Variants in PRDM16 observed in about 807,000 individuals in gnomAD.
PRDM16 encodes PR/SET domain 16, also known as histone-lysine N-methyltransferase PRDM16.
A neutral mutation model predicts 110.6 loss-of-function variants in PRDM16; 23 were observed. The observed-to-expected ratio is 0.21, with a 90% CI of 0.15 to 0.29. The LOEUF is 0.29. Ranked by LOEUF, PRDM16 falls within the 10% of genes least tolerant of loss-of-function variation. The pLI is 1.00. For missense variants in PRDM16, 1,615 were observed against 1,794.3 expected, an observed-to-expected ratio of 0.90 and a Z score of 1.81; for synonymous variants, 799 against 781.8, an observed-to-expected ratio of 1.02 and a Z score of -0.37.
At chr1:3,272,091 G>T (rs896173430) in intron 3 of PRDM16, among the ~76,000 whole-genome samples, 1 of 152,158 alleles carries the variant, frequency 6.6e-6, no homozygotes, top group East Asian at 1.9e-4. Flanking sequence ...GCTTGCAGAC[G>T]CTTCCAGAGG....
intron 3 of PRDM16, among the ~76,000 whole-genome samples, chr1:3,344,346 A>G (rs1052680567): frequency 6.6e-6 from 1 of 151,992 alleles, no homozygotes; most frequent in African/African-American, 2.4e-5. Context: ...GGGACTTGTT[A>G]TTTCATGCAG....
chr1:3,248,699 A>G (rs1157950386), intron 3 of PRDM16, among the ~76,000 whole-genome samples: 3 of 152,256 alleles, frequency 2.0e-5, no homozygotes, highest in Non-Finnish European at 4.4e-5. Context: ...GCTACAGGTC[A>G]TAAAAGTCGT....
chr1:3,078,325 G>A (rs956421096), intron 1 of PRDM16, among the ~76,000 whole-genome samples: 8 of 152,204 alleles, frequency 5.3e-5, no homozygotes, highest in Non-Finnish European at 1.0e-4. Context: ...GCTGCCTCCC[G>A]CTGTGGCGAG....
At position 3,436,153 on chromosome 1, in the gene PRDM16, TA is replaced by T. The variant is rs1638904281; in HGVS notation, c.*2345del. On this transcript the variant is annotated 3_prime_UTR_variant, in exon 17 of 17. Coordinates refer to ENST00000270722, the MANE Select transcript of PRDM16 (RefSeq NM_022114.4). ...CTCAGACATAAACACCCCATTTCTG[TA>T]AACCCAAATTATATGGTTTCTTCTG... is the stretch of plus-strand genomic sequence containing the variant. 2 of 230,464 alleles carry T rather than the reference TA, an allele frequency of 8.7e-6. No homozygotes were observed. Among genetic ancestry groups the T allele is most frequent in the Admixed American group, 5.7e-5 (1 of 17,666 alleles). 14.3% of individuals were successfully genotyped at this position (230,464 alleles called of 1,614,324 possible).
chr1:3,234,897 G>A (rs1040493863), intron 2 of PRDM16, among the ~76,000 whole-genome samples: 4 of 152,258 alleles, frequency 2.6e-5, no homozygotes, highest in Admixed American at 6.5e-5. Flanking sequence ...GGGCCTGCCT[G>A]TAATAACTGG....
intron 2 of PRDM16, among the ~76,000 whole-genome samples, chr1:3,187,493 G>T (rs1343764462): frequency 6.6e-6 from 1 of 152,216 alleles, no homozygotes; most frequent in Non-Finnish European, 1.5e-5. Flanking sequence ...CTCTGGAGAA[G>T]TCCCCAGCCA....
chr1:3,125,445 T>G (rs563542899), intron 1 of PRDM16, among the ~76,000 whole-genome samples: 1 of 152,324 alleles, frequency 6.6e-6, no homozygotes, highest in Admixed American at 6.5e-5. Context: ...CCAGGGCACA[T>G]GGGGAAACTG....
At chr1:3,305,211 A>G (rs1227028050) in intron 3 of PRDM16, among the ~76,000 whole-genome samples, 1 of 152,200 alleles carries the variant, frequency 6.6e-6, no homozygotes, top group Non-Finnish European at 1.5e-5. Context: ...AAGATTTACA[A>G]AGGACCTGTC....
chr1:3,339,076 C>T lies in PRDM16; in HGVS notation c.439-46076C>T, dbSNP rs747052328. Among the ~76,000 whole-genome samples the T allele has an allele frequency of 2.0e-5, 3 of 152,128 alleles. No individual in the cohort carries two copies. The highest frequency in any genetic ancestry group is 4.4e-5 in the Non-Finnish European group (3 of 68,022). On this transcript the variant is annotated intron_variant, in intron 3 of 16. Transcript: ENST00000270722. This position sits in a 1 kb window ranked among gnomAD's most constrained non-coding sequence, Gnocchi z 5.0. ...GGGAGAGTTGCAGCTTCAAGGCGAT[C>T]GATGGGGAGCTTCCGTGCACTCCCC...
intron 1 of PRDM16, among the ~76,000 whole-genome samples, chr1:3,183,936 C>A (rs1644239064): frequency 6.6e-6 from 1 of 152,160 alleles, no homozygotes; most frequent in Non-Finnish European, 1.5e-5. Flanking sequence ...TCCAACCCGA[C>A]TTTGTTTGCG....
intron 3 of PRDM16, among the ~76,000 whole-genome samples, chr1:3,271,733 G>T (rs7523639): frequency 0.057 from 8,726 of 152,194 alleles, 840 homozygotes; most frequent in African/African-American, 0.2. Context: ...AAAAGCTCCT[G>T]CCTCAGAGGC....
At chr1:3,257,280 A>G (rs2100238792) in intron 3 of PRDM16, among the ~76,000 whole-genome samples, 1 of 152,296 alleles carries the variant, frequency 6.6e-6, no homozygotes, top group Admixed American at 6.5e-5. Flanking sequence ...TCTGCCTTCC[A>G]GGAACGAGGT....
chr1:3,217,097 C>T (rs956262375), intron 2 of PRDM16, among the ~76,000 whole-genome samples: 4 of 152,264 alleles, frequency 2.6e-5, no homozygotes, highest in Non-Finnish European at 4.4e-5. Flanking sequence ...TCCAGGGCTC[C>T]GTGACCAAAG....
At chr1:3,200,863 C>T (rs891678205) in intron 2 of PRDM16, among the ~76,000 whole-genome samples, 1 of 151,896 alleles carries the variant, frequency 6.6e-6, no homozygotes, top group East Asian at 1.9e-4. Flanking sequence ...GAGCTTCAGA[C>T]CTGACCACGG....
chr1:3,139,926 C>T (rs886403284), intron 1 of PRDM16, among the ~76,000 whole-genome samples: 13 of 152,228 alleles, frequency 8.5e-5, no homozygotes, highest in African/African-American at 1.9e-4. Flanking sequence ...GGCCATGTGC[C>T]GTGACCTTGA....
At chr1:3,133,276 G>A (rs940000967) in intron 1 of PRDM16, 2 of 152,244 alleles carry the variant, frequency 1.3e-5, no homozygotes. Context: ...AAAATCCAGG[G>A]GTTGCTTTTC....
chr1:3,100,138 G>A (rs1187299007), intron 1 of PRDM16, among the ~76,000 whole-genome samples: 1 of 152,152 alleles, frequency 6.6e-6, no homozygotes, highest in African/African-American at 2.4e-5. Flanking sequence ...GAAGGGCCCT[G>A]CCCTCCCCTG....
At chr1:3,292,025 C>T (rs1023109787) in intron 3 of PRDM16, among the ~76,000 whole-genome samples, 1 of 152,178 alleles carries the variant, frequency 6.6e-6, no homozygotes, top group Non-Finnish European at 1.5e-5. Context: ...GTGTTTTGGG[C>T]TTGGCCGCAG....
intron 3 of PRDM16, among the ~76,000 whole-genome samples, chr1:3,323,947 G>T (rs1281444057): frequency 6.6e-6 from 1 of 152,234 alleles, no homozygotes; most frequent in Non-Finnish European, 1.5e-5. Context: ...GGCTGGTGAA[G>T]GGGTTGCTGC....
Sources: gnomAD v4.1 joint callset for allele counts (sites outside exome capture counted in the v4.1 genomes callset) on GRCh38, gnomAD v4.1.1 for gene constraint, Gnocchi (gnomAD v3.1) non-coding constraint, MANE v1.5 for transcripts, NCBI Gene and HGNC (gene_info 2026-07-23, HGNC 2026-07-21) for gene names.